The following SPAG16 variants were observed in gnomAD, a reference collection of about 807,000 sequenced individuals.
The protein encoded by SPAG16 is sperm-associated antigen 16 protein.
In SPAG16, 86 loss-of-function variants were observed where a neutral mutation model predicts 80.4. The observed-to-expected ratio is 1.07, with a 90% CI of 0.90 to 1.28. The LOEUF (loss-of-function observed/expected upper bound fraction) is 1.28. SPAG16 is among the 50% of genes most tolerant of loss of function. The pLI, the probability that SPAG16 is intolerant of heterozygous loss-of-function variation, is 0.00. For synonymous variants in SPAG16, 294 were observed against 265.9 expected, an observed-to-expected ratio of 1.11 and a Z score of -1.03; for missense variants, 870 against 765.3, an observed-to-expected ratio of 1.14 and a Z score of -1.61.
chr2:213,606,207 G>A (rs2124997553), intron 10 of SPAG16, among the ~76,000 whole-genome samples: 1 of 152,226 alleles, frequency 6.6e-6, no homozygotes, highest in East Asian at 1.9e-4. Context: ...ATGGTGAAAG[G>A]CATTTATATT....
rs550718100 is a variant in SPAG16, at chr2:213,769,876, A to G, written c.1071-92609A>G. 3.3e-5 allele frequency among the ~76,000 whole-genome samples: 5 copies of G among 152,296 alleles called. No homozygotes were observed. In the South Asian group the frequency reaches 8.3e-4, roughly 25 times the overall value. ...TCAAACCCCTATCAAGACATGGAAC[A>G]TTGCTATCAACTCACAAAGTGTGCC... On this transcript the variant is annotated intron_variant, in intron 10 of 15. Coordinates refer to ENST00000331683, the MANE Select transcript of SPAG16 (RefSeq NM_024532.5).
intron 10 of SPAG16, among the ~76,000 whole-genome samples, chr2:213,532,599 C>G (rs545488091): frequency 6.6e-6 from 1 of 151,900 alleles, no homozygotes; most frequent in South Asian, 2.1e-4. Context: ...GTAGCTGGGA[C>G]TACGGCTACA....
intron 15 of SPAG16, among the ~76,000 whole-genome samples, chr2:214,210,820 C>T (rs557542427): frequency 6.7e-6 from 1 of 149,884 alleles, no homozygotes; most frequent in African/African-American, 2.5e-5. Flanking sequence ...CAAAAAAATA[C>T]ACACACACAT....
chr2:213,335,901 G>A (rs568414575), intron 5 of SPAG16, among the ~76,000 whole-genome samples: 3 of 151,918 alleles, frequency 2.0e-5, no homozygotes, highest in South Asian at 4.2e-4. Flanking sequence ...TAGGGGGTGA[G>A]AGTAGCCAAG....
chr2:213,402,073 T>G lies in SPAG16; in HGVS notation c.942+26954T>G, dbSNP rs915538400. On this transcript the variant is annotated intron_variant, in intron 9 of 15. Transcript: ENST00000331683. ...TATAAAGACAATGCTTATTTCAATT[T>G]ATCTACAAATTTACTAATTTTATTT... is the stretch of plus-strand genomic sequence containing the variant. Among the ~76,000 whole-genome samples, 5 of 152,230 alleles carry G rather than the reference T, an allele frequency of 3.3e-5. No homozygotes were observed. The East Asian group carries it at 9.6e-4, about 29-fold the overall frequency.
In SPAG16 at chr2:213,773,017, GGTTT is replaced by G. The variant is rs554474841; in HGVS notation, c.1071-89463_1071-89460del. 2.0e-4 allele frequency among the ~76,000 whole-genome samples: 30 copies of G among 149,168 alleles called. No homozygotes were observed. In the South Asian group the frequency reaches 4.1e-3, roughly 20 times the overall value. ...TTTTTTTCAATTTTTTCATTCATAT[GGTTT>G]GTTTTTCACTAAAGCCTTTAACATA... On this transcript the variant is annotated intron_variant, in intron 10 of 15. Transcript: ENST00000331683.
At chr2:213,309,501 C>CT (rs1038750128) in intron 3 of SPAG16, among the ~76,000 whole-genome samples, 5 of 151,430 alleles carry the variant, frequency 3.3e-5, no homozygotes, top group East Asian at 1.9e-4. Context: ...TTCTTTTTTT[C>CT]TTTTTTTTGA....
At chr2:214,183,899 A>AT (rs1466467635) in intron 15 of SPAG16, among the ~76,000 whole-genome samples, 2 of 152,116 alleles carry the variant, frequency 1.3e-5, no homozygotes, top group Non-Finnish European at 2.9e-5. Flanking sequence ...TTTAAGCTCC[A>AT]TACAGGATAA....
chr2:213,315,538 G>A lies in SPAG16; in HGVS notation c.399-1681G>A, dbSNP rs148599635. Among the ~76,000 whole-genome samples, 413 of 151,964 alleles carry A rather than the reference G, an allele frequency of 2.7e-3. 1 individual carries two copies. Among genetic ancestry groups the A allele is most frequent in the African/African-American group, 7.4e-3 (307 of 41,496 alleles). ...ATTTTAAAAAAGGAAGAGAAGAACC[G>A]CCCTAGATTTCATATCTTCTTCTAA... On this transcript the variant is annotated intron_variant, in intron 4 of 15. Transcript: ENST00000331683.
At chr2:213,392,725 T>G (rs1454724540) in intron 9 of SPAG16, among the ~76,000 whole-genome samples, 1 of 151,852 alleles carries the variant, frequency 6.6e-6, no homozygotes, top group Non-Finnish European at 1.5e-5. Context: ...CGGGTGCCTG[T>G]AATCTCAGCT....
At chr2:213,319,748 A>G (rs1047234766) in intron 5 of SPAG16, among the ~76,000 whole-genome samples, 1 of 151,980 alleles carries the variant, frequency 6.6e-6, no homozygotes, top group Non-Finnish European at 1.5e-5. Flanking sequence ...AGTGACATTG[A>G]ATAGTCATTG....
intron 13 of SPAG16, among the ~76,000 whole-genome samples, chr2:214,042,737 T>C (rs7591006): frequency 0.14 from 20,626 of 152,188 alleles, 1,733 homozygotes; most frequent in Admixed American, 0.19. Context: ...TCTAAAAATC[T>C]TCTCATTCTA....
intron 10 of SPAG16, among the ~76,000 whole-genome samples, chr2:213,597,561 A>G (rs1044276351): frequency 6.6e-6 from 1 of 152,116 alleles, no homozygotes; most frequent in African/African-American, 2.4e-5. Context: ...TTAATTCAAA[A>G]CTTCATCTTG....
chr2:213,715,218 A>ATCTG (rs201888270), intron 10 of SPAG16, among the ~76,000 whole-genome samples: 12,611 of 142,702 alleles, frequency 0.088, 615 homozygotes, highest in Middle Eastern at 0.11. Flanking sequence ...AGGTAGATCT[A>ATCTG]TCTGTCTATC....
At chr2:213,665,280 C>T (rs1484729495) in intron 10 of SPAG16, among the ~76,000 whole-genome samples, 1 of 151,982 alleles carries the variant, frequency 6.6e-6, no homozygotes, top group Non-Finnish European at 1.5e-5. Context: ...TTTCACTGTA[C>T]AAAAAGGTTA....
intron 13 of SPAG16, among the ~76,000 whole-genome samples, chr2:214,056,528 T>A (rs1438815101): frequency 6.7e-6 from 1 of 149,236 alleles, no homozygotes; most frequent in African/African-American, 2.5e-5. Context: ...TACTTATTGG[T>A]AAAAAAAAAA....
chr2:213,337,039 G>T lies in SPAG16; in HGVS notation c.537-3124G>T, dbSNP rs532380790. On this transcript the variant is annotated intron_variant, in intron 5 of 15. Coordinates refer to ENST00000331683, the MANE Select transcript of SPAG16 (RefSeq NM_024532.5). The stretch of plus-strand genomic sequence containing the variant: ...AAGGAGCTGGCTTCCATCTGTGCTG[G>T]TCTGTAGCCTCTGCTGGTGATACCT... Among the ~76,000 whole-genome samples, 6 of 152,274 alleles carry T rather than the reference G, an allele frequency of 3.9e-5. No individual in the cohort carries two copies. The South Asian group carries it at 1.2e-3, about 32-fold the overall frequency.
At chr2:213,856,313 G>T (rs2075166046) in intron 10 of SPAG16, among the ~76,000 whole-genome samples, 1 of 152,200 alleles carries the variant, frequency 6.6e-6, no homozygotes, top group South Asian at 2.1e-4. Context: ...TGGCTTTGCA[G>T]GATACAGCCC....
intron 10 of SPAG16, among the ~76,000 whole-genome samples, chr2:213,494,252 A>G (rs948168280): frequency 1.3e-5 from 2 of 152,274 alleles, no homozygotes; most frequent in Admixed American, 6.5e-5. Context: ...CTGGCTTTAA[A>G]TACTTTCCAT....
Sources: allele counts gnomAD v4.1 joint callset (sites outside exome capture counted in the v4.1 genomes callset), GRCh38; gene constraint gnomAD v4.1.1; transcripts MANE v1.5; gene names NCBI Gene and HGNC (gene_info 2026-07-23, HGNC 2026-07-21).